The following RAP2A variants were observed in gnomAD, a reference collection of about 807,000 sequenced individuals.
RAP2A encodes the protein RAP2A, member of RAS oncogene family.
RAP2A carries 5 observed loss-of-function variants against 15.1 expected under a neutral mutation model. The ratio of observed to expected loss-of-function variants is 0.33; its 90% CI spans 0.17 to 0.70. The LOEUF is 0.70. Among genes scored for constraint, RAP2A ranks in the 30% least tolerant of loss-of-function variants. The probability of loss-of-function intolerance (pLI) is 0.68; values close to 1 mark genes in which losing one functional copy is unlikely to be tolerated. For synonymous variants in RAP2A, 110 were observed against 99.7 expected (o/e 1.10, Z -0.62); for missense variants, 111 against 240.3 (o/e 0.46, Z 3.56).
In RAP2A at chr13:97,458,579, C is replaced by T. The variant is rs143662258; in HGVS notation, c.315-5626C>T. Among the ~76,000 whole-genome samples, 43 of 152,270 alleles carry T rather than the reference C, an allele frequency of 2.8e-4. No homozygotes were observed. The East Asian group carries it at 7.7e-3, about 27-fold the overall frequency. ...CATCTTCAGAGCTTATAGATATAGA[C>T]ATATTACATATTTTAATAGACTCTT... On this transcript the variant is annotated intron_variant, in intron 1 of 1. Transcript: ENST00000245304.
At chr13:97,454,867 G>C (rs976251248) in intron 1 of RAP2A, among the ~76,000 whole-genome samples, 8 of 151,296 alleles carry the variant, frequency 5.3e-5, no homozygotes, top group Admixed American at 5.3e-4. Flanking sequence ...AGTTCTGAAG[G>C]ATATTTTTGC....
At chr13:97,440,628 T>G (rs1446253027) in intron 1 of RAP2A, among the ~76,000 whole-genome samples, 1 of 151,992 alleles carries the variant, frequency 6.6e-6, no homozygotes, top group Non-Finnish European at 1.5e-5. Context: ...TTTTTCATGA[T>G]CTTTTTTTCT....
chr13:97,451,132 G>A (rs1032956387), intron 1 of RAP2A, among the ~76,000 whole-genome samples: 6 of 152,136 alleles, frequency 3.9e-5, no homozygotes, highest in African/African-American at 9.7e-5. Flanking sequence ...TGTGCCTTCC[G>A]TGATGTAAAC....
chr13:97,434,254 C>A lies in RAP2A; in HGVS notation c.-217C>A, dbSNP rs950441714. 4 of 155,244 alleles carry A rather than the reference C, an allele frequency of 2.6e-5. No homozygotes were observed. The highest frequency in any genetic ancestry group is 9.8e-5 in the African/African-American group (4 of 40,796). 9.6% of individuals were successfully genotyped at this position (155,244 alleles called of 1,614,324 possible). A position where few individuals can be genotyped will look rare whatever the true frequency, so the allele number is the denominator to read the frequency against. On this transcript the variant is annotated 5_prime_UTR_variant, in exon 1 of 2. Coordinates refer to ENST00000245304, the MANE Select transcript of RAP2A (RefSeq NM_021033.7). ...CAGTCCCACCCGGTGCCTACGGGGC[C>A]GCATCGCCGCCCGGCTCGGCCCGGC...
At position 97,464,795 on chromosome 13, in the gene RAP2A, T is replaced by C. The variant is rs915950622; in HGVS notation, c.*353T>C. On this transcript the variant is annotated 3_prime_UTR_variant, in exon 2 of 2. Coordinates refer to ENST00000245304, the MANE Select transcript of RAP2A (RefSeq NM_021033.7). The stretch of plus-strand genomic sequence containing the variant: ...AACCATAAGGGAGAAACCAGAAGAA[T>C]TCCTCTGACCACTTACAATTAAAAT... 1.5e-5 allele frequency: 3 copies of C among 198,456 alleles called. No individual in the cohort carries two copies. Among genetic ancestry groups the C allele is most frequent in the African/African-American group, 6.9e-5 (3 of 43,320 alleles). The allele number at this position is 198,456 out of a possible 1,614,324, so 12.3% of individuals were successfully genotyped here.
At chr13:97,462,044 A>ATATATATATTTATATATATATTTATATAT (rs2066749856) in intron 1 of RAP2A, among the ~76,000 whole-genome samples, 1 of 132,342 alleles carries the variant, frequency 7.6e-6, no homozygotes, top group Admixed American at 7.3e-5. Context: ...ATATATATTT[A>ATATATATATTTATATATATATTTATATAT]TATATATATT....
chr13:97,438,244 G>A lies in RAP2A; in HGVS notation c.314+3460G>A, dbSNP rs552521784. 3.3e-5 allele frequency among the ~76,000 whole-genome samples: 5 copies of A among 152,270 alleles called. No homozygotes were observed. The South Asian group carries it at 1.0e-3, about 32-fold the overall frequency. On this transcript the variant is annotated intron_variant, in intron 1 of 1. Coordinates refer to ENST00000245304, the MANE Select transcript of RAP2A (RefSeq NM_021033.7). Reference sequence around the variant, plus strand: ...ACATGATATACAAGGCCTCTTTGCTGTTAGGAAAAAGTCCAGAAATCTTCA... The same window carrying A: ...ACATGATATACAAGGCCTCTTTGCTATTAGGAAAAAGTCCAGAAATCTTCA...
At chr13:97,437,810 C>A (rs1291978377) in intron 1 of RAP2A, among the ~76,000 whole-genome samples, 1 of 152,220 alleles carries the variant, frequency 6.6e-6, no homozygotes, top group African/African-American at 2.4e-5. Flanking sequence ...TAATGCATAG[C>A]ACTAATGCAT....
At chr13:97,447,933 T>A (rs2066686242) in intron 1 of RAP2A, among the ~76,000 whole-genome samples, 1 of 152,072 alleles carries the variant, frequency 6.6e-6, no homozygotes. Context: ...GAAACAAGAC[T>A]TTAGCTCAAA....
rs780495123 is a variant in RAP2A, at chr13:97,468,465, G to C, written c.*4023G>C. ...TTCTATATGGGGCCCTATGAAAGTT[G>C]ACAGATGCTGTTAATTGTATACAGC... On this transcript the variant is annotated 3_prime_UTR_variant, in exon 2 of 2. Coordinates refer to ENST00000245304, the MANE Select transcript of RAP2A (RefSeq NM_021033.7). The C allele has an allele frequency of 3.1e-4, 47 of 152,206 alleles. No individual in the cohort carries two copies. Among genetic ancestry groups the C allele is most frequent in the Non-Finnish European group, 5.6e-4 (38 of 68,036 alleles). 9.4% of individuals were successfully genotyped at this position (152,206 alleles called of 1,614,324 possible).
Position 97,464,579 on chromosome 13 carries a change from G to A in RAP2A, c.*137G>A. ...TGCAGCCCTTATTCAGAATTGAGCA[G>A]TGATTGTCAGTTGATATCTCTGAGT... On this transcript the variant is annotated 3_prime_UTR_variant, in exon 2 of 2. Transcript: ENST00000245304. The A allele has an allele frequency of 1.3e-6, 1 of 787,308 alleles. No homozygotes were observed. Among genetic ancestry groups the A allele is most frequent in the Non-Finnish European group, 2.1e-6 (1 of 483,368 alleles). The allele number at this position is 787,308 out of a possible 1,614,324, so 48.8% of individuals were successfully genotyped here. A position where few individuals can be genotyped will look rare whatever the true frequency, so the allele number is the denominator to read the frequency against.
chr13:97,436,917 C>G (rs1237123853), intron 1 of RAP2A, among the ~76,000 whole-genome samples: 2 of 152,182 alleles, frequency 1.3e-5, no homozygotes, highest in Admixed American at 6.5e-5. Flanking sequence ...TTTTACACCT[C>G]ATCCTAACCC....
intron 1 of RAP2A, among the ~76,000 whole-genome samples, chr13:97,459,283 G>T (rs568367393): frequency 1.5e-4 from 23 of 151,828 alleles, no homozygotes; most frequent in African/African-American, 5.3e-4. Flanking sequence ...ATGATGAAAA[G>T]GGGGAAATGA....
chr13:97,445,046 A>C (rs1430093652), intron 1 of RAP2A, among the ~76,000 whole-genome samples: 2 of 152,128 alleles, frequency 1.3e-5, no homozygotes, highest in Non-Finnish European at 2.9e-5. Context: ...GGCTCCCACA[A>C]ACCTCCTTTA....
intron 1 of RAP2A, among the ~76,000 whole-genome samples, chr13:97,450,673 A>G (rs2066698579): frequency 6.6e-6 from 1 of 152,006 alleles, no homozygotes; most frequent in Non-Finnish European, 1.5e-5. Flanking sequence ...AAAAAAAAGA[A>G]TCAATTAGTT....
Position 97,464,724 on chromosome 13 carries a change from C to A in RAP2A, c.*282C>A. ...TGATCTCATTTGAAAGCTATGATGG[C>A]ATTGTCGCTGAGTTGACAGAAGCAA... On this transcript the variant is annotated 3_prime_UTR_variant, in exon 2 of 2. Transcript: ENST00000245304. 2.6e-6 allele frequency: 1 copy of A among 388,580 alleles called. No individual in the cohort carries two copies. The allele number at this position is 388,580 out of a possible 1,614,324, so 24.1% of individuals were successfully genotyped here. A position where few individuals can be genotyped will look rare whatever the true frequency, so the allele number is the denominator to read the frequency against.
At chr13:97,459,408 C>A (rs1480910279) in intron 1 of RAP2A, among the ~76,000 whole-genome samples, 1 of 152,118 alleles carries the variant, frequency 6.6e-6, no homozygotes, top group African/African-American at 2.4e-5. Context: ...CAGAGTCAGC[C>A]CTCTAAGTCA....
chr13:97,438,361 C>T (rs931685493), intron 1 of RAP2A, among the ~76,000 whole-genome samples: 2 of 152,136 alleles, frequency 1.3e-5, no homozygotes, highest in Non-Finnish European at 2.9e-5. Flanking sequence ...GCACCCAGAC[C>T]TTAAGTCCTT....
chr13:97,450,642 A>G (rs939629206), intron 1 of RAP2A, among the ~76,000 whole-genome samples: 3 of 151,890 alleles, frequency 2.0e-5, no homozygotes, highest in Non-Finnish European at 4.4e-5. Flanking sequence ...ATTTTGAATG[A>G]CTTAGATATT....
Sources: allele counts gnomAD v4.1 joint callset (sites outside exome capture counted in the v4.1 genomes callset), GRCh38; gene constraint gnomAD v4.1.1; transcripts MANE v1.5; gene names NCBI Gene and HGNC (gene_info 2026-07-23, HGNC 2026-07-21).